The following VTCN1 variants were observed in gnomAD, a reference collection of about 807,000 sequenced individuals.
VTCN1 encodes the protein V-set domain-containing T-cell activation inhibitor 1.
VTCN1 carries 26 observed loss-of-function variants against 26.5 expected under a neutral mutation model. The ratio of observed to expected loss-of-function variants is 0.98; its 90% CI spans 0.72 to 1.36. VTCN1 has a LOEUF of 1.36. Ranked by LOEUF, VTCN1 falls within the 40% of genes most tolerant of loss-of-function variation. The pLI is 0.00. For synonymous variants in VTCN1, 116 were observed against 130.7 expected (o/e 0.89, Z 0.77); for missense variants, 298 against 337.7 (o/e 0.88, Z 0.92).
At chr1:117,158,897 AG>A (rs1652227680) in intron 2 of VTCN1, among the ~76,000 whole-genome samples, 1 of 152,188 alleles carries the variant, frequency 6.6e-6, no homozygotes, top group African/African-American at 2.4e-5. Flanking sequence ...TCTCGAGGGC[AG>A]GGGCAAAACA....
At chr1:117,196,397 T>C (rs886500731) in intron 1 of VTCN1, among the ~76,000 whole-genome samples, 1 of 147,592 alleles carries the variant, frequency 6.8e-6, no homozygotes. Context: ...TACATATATA[T>C]ATATATAGAG....
At chr1:117,151,185 C>T (rs1651769330) in intron 4 of VTCN1, among the ~76,000 whole-genome samples, 1 of 150,332 alleles carries the variant, frequency 6.7e-6, no homozygotes, top group Non-Finnish European at 1.5e-5. Context: ...CATGCCCAAC[C>T]TGAGTGTTAC....
chr1:117,203,183 C>T (rs1648872647), intron 1 of VTCN1, among the ~76,000 whole-genome samples: 1 of 151,874 alleles, frequency 6.6e-6, no homozygotes, highest in South Asian at 2.1e-4. Context: ...TGAAGGAGTA[C>T]CTGTCTGCTG....
intron 1 of VTCN1, among the ~76,000 whole-genome samples, chr1:117,187,268 C>A (rs1647990083): frequency 1.4e-5 from 2 of 144,234 alleles, no homozygotes; most frequent in Admixed American, 7.2e-5. Context: ...CTAGATCATG[C>A]CACTGCACTC....
rs1649311558 is a variant in VTCN1 at position 117,210,807 on chromosome 1, AG to A, written c.32+16del. On this transcript the variant is annotated intron_variant, in intron 1 of 5. Coordinates refer to ENST00000369458, the MANE Select transcript of VTCN1 (RefSeq NM_024626.4). ...GTTCCCTTCACCCATAAGGATAGAGAGAAGAGTATATACTACCTCCAGAAGA... is the reference window on the plus strand; with the variant it reads ...GTTCCCTTCACCCATAAGGATAGAGAAAGAGTATATACTACCTCCAGAAGA... 1 of 1,613,602 alleles carries A rather than the reference AG, an allele frequency of 6.2e-7. No homozygotes were observed. Among genetic ancestry groups the A allele is most frequent in the African/African-American group, 1.3e-5 (1 of 74,938 alleles).
At position 117,149,808 on chromosome 1, in the gene VTCN1, C is replaced by A. The variant is rs1651701499; in HGVS notation, c.725-2026G>T. On this transcript the variant is annotated intron_variant, in intron 4 of 5. Coordinates refer to ENST00000369458, the MANE Select transcript of VTCN1 (RefSeq NM_024626.4). ...AGAACACAATATGTAAATCCCATGG[C>A]CCTACTTGTTTAAAAACATGCATGG... Among the ~76,000 whole-genome samples the A allele has an allele frequency of 2.0e-5, 3 of 152,160 alleles. No individual in the cohort carries two copies. The South Asian group carries it at 6.2e-4, about 31-fold the overall frequency.
At chr1:117,187,921 A>G (rs749043594) in intron 1 of VTCN1, among the ~76,000 whole-genome samples, 2 of 152,232 alleles carry the variant, frequency 1.3e-5, no homozygotes, top group African/African-American at 4.8e-5. Context: ...AATCATTTCC[A>G]TAATTCTTAC....
intron 1 of VTCN1, among the ~76,000 whole-genome samples, chr1:117,178,588 G>GTTTTTTTTTT (rs10657719): frequency 2.3e-5 from 2 of 88,272 alleles, no homozygotes; most frequent in Non-Finnish European, 3.9e-5. Flanking sequence ...TCTTTCTTTC[G>GTTTTTTTTTT]TTTTTTTTTT....
At chr1:117,157,092 GATATATAT>G (rs145887761) in intron 2 of VTCN1, 171 bp from the exon 3 acceptor site, 7 of 561,552 alleles carry the variant, frequency 1.2e-5, no homozygotes, top group South Asian at 3.8e-5. Context: ...CAATCATTTT[GATATATAT>G]ATATATATAT....
chr1:117,205,087 GTATGTATGTATATGTATGTA>G lies in VTCN1; in HGVS notation c.32+5717_32+5736del, dbSNP rs551823624. On this transcript the variant is annotated intron_variant, in intron 1 of 5. Coordinates refer to ENST00000369458, the MANE Select transcript of VTCN1 (RefSeq NM_024626.4). ...TATATATGTATATGTACATGTATAT[GTATGTATGTATATGTATGTA>G]TATGTATATGTATATATACATGTCA... 1.8e-3 allele frequency among the ~76,000 whole-genome samples: 17 copies of G among 9,438 alleles called. No homozygotes were observed. The Non-Finnish European group carries it at 0.021, about 11-fold the overall frequency. 6.2% of individuals were successfully genotyped at this position (9,438 alleles called of 152,430 possible).
intron 1 of VTCN1, among the ~76,000 whole-genome samples, chr1:117,193,637 A>T (rs765793496): frequency 6.6e-6 from 1 of 152,184 alleles, no homozygotes; most frequent in Non-Finnish European, 1.5e-5. Context: ...AAAAGACAGC[A>T]AAACCAAAAT....
chr1:117,164,026 T>C (rs1051564473), intron 2 of VTCN1, among the ~76,000 whole-genome samples: 1 of 152,098 alleles, frequency 6.6e-6, no homozygotes, highest in African/African-American at 2.4e-5. Flanking sequence ...TTTAGGGGTG[T>C]ATGTCTGCTG....
intron 1 of VTCN1, among the ~76,000 whole-genome samples, chr1:117,202,730 C>T (rs553523658): frequency 6.6e-6 from 1 of 152,328 alleles, no homozygotes; most frequent in East Asian, 1.9e-4. Context: ...CCCAAAGTCT[C>T]ACAGTTAGAA....
intron 1 of VTCN1, among the ~76,000 whole-genome samples, chr1:117,207,547 CT>C (rs1415703446): frequency 1.3e-5 from 2 of 152,130 alleles, no homozygotes; most frequent in Non-Finnish European, 2.9e-5. Context: ...GAGCCACCCC[CT>C]ATGACTATTC....
intron 1 of VTCN1, among the ~76,000 whole-genome samples, chr1:117,193,741 C>G (rs1648365168): frequency 6.6e-6 from 1 of 152,052 alleles, no homozygotes. Context: ...ATTCTACAGA[C>G]AAAATGGACC....
rs140842864 is a variant in VTCN1 at position 117,153,239 on chromosome 1, C to T, written c.576G>A (p.Ser192=). Residue 192 remains serine (S), a synonymous_variant, in exon 4 of 6, where the codon TCG becomes TCA. Coordinates refer to ENST00000369458, the MANE Select transcript of VTCN1 (RefSeq NM_024626.4). The stretch of plus-strand genomic sequence containing the variant: ...GCTCAAAGCTGGTATTGGAGACTTC[C>T]GAGAAGTTGGCTCCCTGGTCAACTT... ...ASQVDQGANF[S]EVSNTSFELN... The T allele has an allele frequency of 8.5e-5, 138 of 1,614,094 alleles. No homozygotes were observed. The Middle Eastern group carries it at 2.5e-3, about 29-fold the overall frequency.
At chr1:117,203,750 T>C (rs1648906986) in intron 1 of VTCN1, 2 of 985,430 alleles carry the variant, frequency 2.0e-6, no homozygotes, top group South Asian at 4.7e-5. Flanking sequence ...ATTAAATCCT[T>C]GTGCTTTTCT....
intron 1 of VTCN1, among the ~76,000 whole-genome samples, chr1:117,195,262 A>AAAT (rs61710825): frequency 0.063 from 8,975 of 142,406 alleles, 338 homozygotes; most frequent in African/African-American, 0.1. Flanking sequence ...CTCCGTCTCA[A>AAAT]AATAATAATA....
At chr1:117,182,271 C>T (rs1171274116) in intron 1 of VTCN1, among the ~76,000 whole-genome samples, 1 of 152,176 alleles carries the variant, frequency 6.6e-6, no homozygotes, top group Non-Finnish European at 1.5e-5. Flanking sequence ...GAAAAGCAGA[C>T]CACTGTATCC....
Sources: gnomAD v4.1 joint callset for allele counts (sites outside exome capture counted in the v4.1 genomes callset) on GRCh38, gnomAD v4.1.1 for gene constraint, MANE v1.5 for transcripts, NCBI Gene and HGNC (gene_info 2026-07-23, HGNC 2026-07-21) for gene names.